Variants in TBC1D9B observed in about 807,000 individuals in gnomAD.
TBC1D9B encodes TBC1 domain family, member 9B (with GRAM domain).
TBC1D9B carries 87 observed loss-of-function variants against 121.1 expected under a neutral mutation model. The ratio of observed to expected loss-of-function variants is 0.72; its 90% CI spans 0.60 to 0.86. The LOEUF is 0.86. Among genes scored for constraint, TBC1D9B ranks in the 40% least tolerant of loss-of-function variants. The pLI is 0.00. For missense variants in TBC1D9B, 1,540 were observed against 1,628.6 expected (o/e 0.95, Z 0.94); for synonymous variants, 668 against 670.1 (o/e 1.00, Z 0.05).
intron 3 of TBC1D9B, among the ~76,000 whole-genome samples, chr5:179,896,698 A>G (rs1761025913): frequency 6.6e-6 from 1 of 151,034 alleles, no homozygotes; most frequent in Non-Finnish European, 1.5e-5. Flanking sequence ...AATTTTTTAT[A>G]TTTTTAGTAG....
Position 179,885,566 on chromosome 5 carries a change from G to A in TBC1D9B, c.1254+2537C>T, listed in dbSNP as rs1172814510. Among the ~76,000 whole-genome samples the A allele has an allele frequency of 2.6e-5, 4 of 151,328 alleles. No individual in the cohort carries two copies. The highest frequency in any genetic ancestry group is 5.9e-5 in the Non-Finnish European group (4 of 67,954). On this transcript the variant is annotated intron_variant, in intron 7 of 20. Transcript: ENST00000355235. This position sits in a 1 kb window ranked among gnomAD's most constrained non-coding sequence, Gnocchi z 4.5. ...ACTGCCCCACTGCACTCCAGCCTAG[G>A]TGACAGAGCAAGACTCTGTCCCCCC... is the stretch of plus-strand genomic sequence containing the variant.
chr5:179,907,888 A>AGCGGAGCGTGCGGAGCGT lies in TBC1D9B; in HGVS notation c.-68_-67insACGCTCCGCACGCTCCGC. 2.2e-6 allele frequency: 2 copies of AGCGGAGCGTGCGGAGCGT among 914,196 alleles called. No homozygotes were observed. Among genetic ancestry groups the AGCGGAGCGTGCGGAGCGT allele is most frequent in the Non-Finnish European group, 2.6e-6 (2 of 768,850 alleles). 56.6% of individuals were successfully genotyped at this position (914,196 alleles called of 1,614,324 possible). A position where few individuals can be genotyped will look rare whatever the true frequency, so the allele number is the denominator to read the frequency against. On this transcript the variant is annotated 5_prime_UTR_variant, in exon 1 of 21. Transcript: ENST00000355235. The surrounding 1 kb of genome is among the most constrained non-coding windows in gnomAD (Gnocchi z 5.3). ...GCGCCCGCCGCCGTCGGCGTCCCGG[A>AGCGGAGCGTGCGGAGCGT]GCGGAGCGTGCGGAGCGGAGCGTGC... is the stretch of plus-strand genomic sequence containing the variant.
At chr5:179,866,015 G>A (rs1030760406) in intron 18 of TBC1D9B, 127 bp from the exon 19 acceptor site, 36 of 1,149,740 alleles carry the variant, frequency 3.1e-5, no homozygotes, top group Non-Finnish European at 4.3e-5. Flanking sequence ...CTGGGGAGCA[G>A]GTCTCCCATG....
At chr5:179,900,594 G>A (rs1336909843) in intron 2 of TBC1D9B, among the ~76,000 whole-genome samples, 1 of 152,194 alleles carries the variant, frequency 6.6e-6, no homozygotes, top group Non-Finnish European at 1.5e-5. Context: ...GGGGAACACA[G>A]GGTTAGGTTC....
At position 179,862,477 on chromosome 5, in the gene TBC1D9B, C is replaced by T. The variant is rs1759872142; in HGVS notation, c.*971G>A. 2.3e-6 allele frequency: 1 copy of T among 439,062 alleles called. No homozygotes were observed. Among genetic ancestry groups the T allele is most frequent in the African/African-American group, 2.0e-5 (1 of 49,798 alleles). The allele number at this position is 439,062 out of a possible 1,614,324, so 27.2% of individuals were successfully genotyped here. On this transcript the variant is annotated 3_prime_UTR_variant, in exon 21 of 21. Transcript: ENST00000355235. ...CAGGCCTGAGGATGCACTTCCTTCA[C>T]CAGGACCCACAACCCCTGCCCATGA...
chr5:179,865,306 T>C lies in TBC1D9B; in HGVS notation c.2969A>G (p.Lys990Arg), dbSNP rs1759975472. The C allele has an allele frequency of 1.2e-6, 2 of 1,614,124 alleles. No individual in the cohort carries two copies. Among genetic ancestry groups the C allele is most frequent in the African/African-American group, 1.3e-5 (1 of 75,064 alleles). The change falls in exon 20 of 21, where the codon AAG (lysine) becomes AGG (arginine). Residue 990 changes from lysine (K) to arginine (R), a missense_variant. By Grantham distance (26) the Lys-to-Arg change is conservative. Transcript: ENST00000355235. This position sits in a 1 kb window ranked among gnomAD's most constrained non-coding sequence, Gnocchi z 5.1. Reference protein sequence around the residue: ...DYRHYLRMWAKEKEAQKETIK... With the variant: ...DYRHYLRMWAREKEAQKETIK... ...CGTCTCCTTCTGAGCCTCTTTCTCCTTGGCCCACATTCGAAGGTAGTGCCG... is the reference window on the plus strand; with the variant it reads ...CGTCTCCTTCTGAGCCTCTTTCTCCCTGGCCCACATTCGAAGGTAGTGCCG...
chr5:179,876,846 G>A (rs758534722), intron 10 of TBC1D9B, among the ~76,000 whole-genome samples: 2 of 151,944 alleles, frequency 1.3e-5, no homozygotes, highest in Admixed American at 6.6e-5. Context: ...TGAGGAGGTC[G>A]GATCACTTGA....
In TBC1D9B at chr5:179,871,422, G is replaced by A. The variant is rs1383679231; in HGVS notation, c.2484+40C>T. 2.5e-6 allele frequency: 4 copies of A among 1,597,522 alleles called. No individual in the cohort carries two copies. In the Admixed American group the frequency reaches 5.1e-5, roughly 20 times the overall value. ...CATTTCTTTTCTGGCAGGAAGCTAG[G>A]AAGCTAGGAACGGGTCCTGCCCTGG... On this transcript the variant is annotated intron_variant, in intron 15 of 20. Transcript: ENST00000355235.
At chr5:179,881,521 T>C (rs1253011862) in intron 7 of TBC1D9B, among the ~76,000 whole-genome samples, 2 of 152,212 alleles carry the variant, frequency 1.3e-5, no homozygotes. Flanking sequence ...TCACCTATTA[T>C]GCTCCCTCTG....
At chr5:179,881,823 TAGC>T (rs2113623852) in intron 7 of TBC1D9B, among the ~76,000 whole-genome samples, 2 of 152,318 alleles carry the variant, frequency 1.3e-5, no homozygotes, top group East Asian at 3.9e-4. Flanking sequence ...TGAAATTAGC[TAGC>T]AGGCCTTTTC....
intron 16 of TBC1D9B, 43 bp from the exon 17 acceptor site, chr5:179,869,877 G>A: frequency 6.6e-7 from 1 of 1,511,678 alleles, no homozygotes; most frequent in Non-Finnish European, 8.9e-7. Flanking sequence ...CAACATGGCT[G>A]CAGAGCCCCT....
At chr5:179,864,216 G>GCCAACAT in intron 20 of TBC1D9B, 88 bp from the exon 21 acceptor site, 2 of 1,328,878 alleles carry the variant, frequency 1.5e-6, no homozygotes, top group Non-Finnish European at 2.0e-6. Flanking sequence ...ACAAGCACCA[G>GCCAACAT]CCTAAGGATG....
At chr5:179,872,857 G>GCCCCCC in intron 14 of TBC1D9B, 35 bp downstream of exon 14, 1 of 1,078,518 alleles carries the variant, frequency 9.3e-7, no homozygotes, top group Non-Finnish European at 1.3e-6. Flanking sequence ...TGCCCCCCCA[G>GCCCCCC]CCCAGCCCCT....
rs754069564 is a variant in TBC1D9B, at chr5:179,875,529, C to T, written c.1901-342G>A. ...ACGCAGCTCTGAAGGACCCCAAGAG[C>T]GGTAACTCCAAACACCAGACAGCAG... On this transcript the variant is annotated intron_variant, in intron 11 of 20. Coordinates refer to ENST00000355235, the MANE Select transcript of TBC1D9B (RefSeq NM_015043.4). This position sits in a 1 kb window ranked among gnomAD's most constrained non-coding sequence, Gnocchi z 4.5. 1.3e-5 allele frequency among the ~76,000 whole-genome samples: 2 copies of T among 152,156 alleles called. No individual in the cohort carries two copies. Among genetic ancestry groups the T allele is most frequent in the South Asian group, 2.1e-4 (1 of 4,822 alleles).
At chr5:179,882,624 AC>A (rs200321539) in intron 7 of TBC1D9B, among the ~76,000 whole-genome samples, 1,650 of 152,218 alleles carry the variant, frequency 0.011, 32 homozygotes, top group African/African-American at 0.038. Context: ...CAGGTGGATC[AC>A]CCTAGGTCAG....
chr5:179,903,301 G>A (rs946238158), intron 2 of TBC1D9B, among the ~76,000 whole-genome samples: 1 of 146,082 alleles, frequency 6.8e-6, no homozygotes, highest in African/African-American at 2.8e-5. Flanking sequence ...TCAGGCAAGT[G>A]CCTGGCACAC....
At position 179,863,204 on chromosome 5, in the gene TBC1D9B, A is replaced by G; in HGVS notation, c.*244T>C. On this transcript the variant is annotated 3_prime_UTR_variant, in exon 21 of 21. Coordinates refer to ENST00000355235, the MANE Select transcript of TBC1D9B (RefSeq NM_015043.4). The surrounding 1 kb of genome is among the most constrained non-coding windows in gnomAD (Gnocchi z 4.5). The stretch of plus-strand genomic sequence containing the variant: ...GCGAGGCGGGCTCCCACCAGGTGTA[A>G]GGAAGGTGGGAGCCACAGCCTCTTC... 1 of 530,742 alleles carries G rather than the reference A, an allele frequency of 1.9e-6. No individual in the cohort carries two copies. Among genetic ancestry groups the G allele is most frequent in the Admixed American group, 3.4e-5 (1 of 29,000 alleles). The allele number at this position is 530,742 out of a possible 1,614,324, so 32.9% of individuals were successfully genotyped here.
intron 15 of TBC1D9B, 56 bp downstream of exon 15, chr5:179,871,406 T>A: frequency 2.6e-6 from 4 of 1,556,310 alleles, no homozygotes; most frequent in Non-Finnish European, 3.5e-6. Context: ...CCATTTCTTT[T>A]CTGGCAGGAA....
Position 179,867,627 on chromosome 5 carries a change from G to A in TBC1D9B, c.2863+151C>T, listed in dbSNP as rs779843845. On this transcript the variant is annotated intron_variant, in intron 18 of 20. Coordinates refer to ENST00000355235, the MANE Select transcript of TBC1D9B (RefSeq NM_015043.4). ...GGCCCCAGCCCCCGCCAGCATGGCA[G>A]AGCCCAGCCCGTGGTCCCCTGGGGA... 2.7e-5 allele frequency: 40 copies of A among 1,481,800 alleles called. No individual in the cohort carries two copies. In the African/African-American group the frequency reaches 4.5e-4, roughly 17 times the overall value. The allele number at this position is 1,481,800 out of a possible 1,614,324, so 91.8% of individuals were successfully genotyped here. A position where few individuals can be genotyped will look rare whatever the true frequency, so the allele number is the denominator to read the frequency against.
Sources: gnomAD v4.1 joint callset for allele counts (sites outside exome capture counted in the v4.1 genomes callset) on GRCh38, gnomAD v4.1.1 for gene constraint, Gnocchi (gnomAD v3.1) non-coding constraint, MANE v1.5 for transcripts, NCBI Gene and HGNC (gene_info 2026-07-23, HGNC 2026-07-21) for gene names.